The following PAX2 variants were observed in gnomAD, a reference collection of about 807,000 sequenced individuals.
The protein encoded by PAX2 is paired box protein Pax-2.
A neutral mutation model predicts 41.7 loss-of-function variants in PAX2; 9 were observed. That is an observed-to-expected ratio of 0.22 (90% CI 0.13 to 0.38). The LOEUF is 0.38. Ranked by LOEUF, PAX2 falls within the 10% of genes least tolerant of loss-of-function variation. PAX2 has a pLI of 1.00. For missense variants in PAX2, 418 were observed against 531.6 expected, an observed-to-expected ratio of 0.79 and a Z score of 2.10; for synonymous variants, 221 against 212.7, an observed-to-expected ratio of 1.04 and a Z score of -0.34.
chr10:100,825,530 G>T (rs1208486194), intron 8 of PAX2, among the ~76,000 whole-genome samples: 1 of 152,172 alleles, frequency 6.6e-6, no homozygotes, highest in Non-Finnish European at 1.5e-5. Flanking sequence ...GCCAAAGAGA[G>T]TTGAAGTTCC....
upstream of PAX2, among the ~76,000 whole-genome samples, chr10:100,742,357 G>A (rs1219801204): frequency 6.7e-6 from 1 of 149,766 alleles, no homozygotes; most frequent in Non-Finnish European, 1.5e-5. Context: ...CGAGGTGCGG[G>A]GTGCCTATCC....
intron 7 of PAX2, among the ~76,000 whole-genome samples, chr10:100,821,575 G>A (rs1848381704): frequency 6.6e-6 from 1 of 152,224 alleles, no homozygotes; most frequent in African/African-American, 2.4e-5. Flanking sequence ...CCTACCTGAG[G>A]GAAGTTGCCA....
At chr10:100,794,592 C>G (rs1019290100) in intron 5 of PAX2, among the ~76,000 whole-genome samples, 10 of 152,206 alleles carry the variant, frequency 6.6e-5, no homozygotes, top group African/African-American at 2.4e-4. Flanking sequence ...GGTTACCCAT[C>G]TCAGAATTCA....
upstream of PAX2, among the ~76,000 whole-genome samples, chr10:100,741,351 G>A (rs1286302361): frequency 6.6e-6 from 1 of 150,626 alleles, no homozygotes; most frequent in Non-Finnish European, 1.5e-5. Flanking sequence ...TAGGGGGAAT[G>A]TGCTGTGGAG....
At chr10:100,814,076 C>T (rs1848097655) in intron 7 of PAX2, among the ~76,000 whole-genome samples, 1 of 151,878 alleles carries the variant, frequency 6.6e-6, no homozygotes, top group East Asian at 1.9e-4. Context: ...GGGCCGGGCG[C>T]GGTGGCTCAC....
intron 7 of PAX2, among the ~76,000 whole-genome samples, chr10:100,818,774 A>G (rs1344537806): frequency 6.6e-6 from 1 of 152,222 alleles, no homozygotes; most frequent in Non-Finnish European, 1.5e-5. Context: ...ATGATCCCAT[A>G]TTACTTTCCT....
At chr10:100,765,454 A>G (rs1304425532) in intron 3 of PAX2, among the ~76,000 whole-genome samples, 2 of 152,218 alleles carry the variant, frequency 1.3e-5, no homozygotes, top group Admixed American at 6.5e-5. Flanking sequence ...TACCTTTTGC[A>G]TCATTCTCAA....
chr10:100,819,260 G>GT (rs1328687850), intron 7 of PAX2, among the ~76,000 whole-genome samples: 1 of 141,324 alleles, frequency 7.1e-6, no homozygotes, highest in Non-Finnish European at 1.6e-5. Context: ...AAAAAAAAAA[G>GT]GGGGGGGAGT....
intron 7 of PAX2, among the ~76,000 whole-genome samples, chr10:100,823,868 G>T (rs1211754526): frequency 6.6e-6 from 1 of 152,146 alleles, no homozygotes; most frequent in Non-Finnish European, 1.5e-5. Context: ...ATCTTGACTC[G>T]CTTTGTCTCC....
At chr10:100,749,621 T>C (rs1845356941) in intron 1 of PAX2, 125 bp from the exon 2 acceptor site, 6 of 1,469,946 alleles carry the variant, frequency 4.1e-6, no homozygotes, top group Non-Finnish European at 5.4e-6. Flanking sequence ...ACCTTTCTTC[T>C]CAAGCTCGGG....
At chr10:100,762,196 C>T (rs1488833895) in intron 3 of PAX2, among the ~76,000 whole-genome samples, 1 of 136,116 alleles carries the variant, frequency 7.3e-6, no homozygotes, top group African/African-American at 3.1e-5. Flanking sequence ...AGGCCCATCT[C>T]TATTAAAAAA....
intron 7 of PAX2, among the ~76,000 whole-genome samples, chr10:100,818,886 G>A (rs1379146545): frequency 6.6e-6 from 1 of 152,182 alleles, no homozygotes; most frequent in Non-Finnish European, 1.5e-5. Context: ...TCCAGTTTCT[G>A]CCATCTACTA....
intron 3 of PAX2, among the ~76,000 whole-genome samples, chr10:100,752,943 C>T (rs940573498): frequency 6.6e-6 from 1 of 152,194 alleles, no homozygotes; most frequent in Admixed American, 6.5e-5. Flanking sequence ...ACAAAGTAGA[C>T]AAGTGAGCCA....
intron 4 of PAX2, among the ~76,000 whole-genome samples, chr10:100,780,438 T>A (rs1257622077): frequency 6.6e-6 from 1 of 152,166 alleles, no homozygotes; most frequent in Non-Finnish European, 1.5e-5. Context: ...GGCAGTTGTC[T>A]CCTTCTGTCT....
Position 100,748,041 on chromosome 10 carries a change from G to A in PAX2, c.44-1705G>A, listed in dbSNP as rs1845267424. 4.1e-6 allele frequency: 4 copies of A among 984,742 alleles called. No homozygotes were observed. 61.0% of individuals were successfully genotyped at this position (984,742 alleles called of 1,614,324 possible). A position where few individuals can be genotyped will look rare whatever the true frequency, so the allele number is the denominator to read the frequency against. ...ACTGGTGGGTGAGACACCGCAGCCC[G>A]AGTCGGTGCTGGCGGCCGTGGCGCA... is the stretch of plus-strand genomic sequence containing the variant. On this transcript the variant is annotated intron_variant, in intron 1 of 9. Coordinates refer to ENST00000355243, the MANE Select transcript of PAX2 (RefSeq NM_000278.5). This position sits in a 1 kb window ranked among gnomAD's most constrained non-coding sequence, Gnocchi z 5.0.
chr10:100,822,465 G>A (rs987072493), intron 7 of PAX2, among the ~76,000 whole-genome samples: 8 of 152,176 alleles, frequency 5.3e-5, no homozygotes, highest in African/African-American at 1.4e-4. Flanking sequence ...ATTGATGGAC[G>A]ATTAATCAAC....
intron 1 of PAX2, among the ~76,000 whole-genome samples, chr10:100,737,847 G>A (rs953790372): frequency 4.6e-5 from 7 of 152,168 alleles, no homozygotes; most frequent in African/African-American, 1.7e-4. Flanking sequence ...ACGTCCTGGC[G>A]CAACTGCCGC....
chr10:100,792,492 G>A (rs139804056), intron 5 of PAX2, among the ~76,000 whole-genome samples: 2 of 152,190 alleles, frequency 1.3e-5, no homozygotes, highest in East Asian at 3.9e-4. Flanking sequence ...TCTCTTTCTG[G>A]GAACTCCATG....
chr10:100,757,195 A>G (rs1216602830), intron 3 of PAX2, among the ~76,000 whole-genome samples: 1 of 152,172 alleles, frequency 6.6e-6, no homozygotes, highest in African/African-American at 2.4e-5. Context: ...GTCTGCTTTT[A>G]GGTGAAAAGG....
Sources: gnomAD v4.1 joint callset for allele counts (sites outside exome capture counted in the v4.1 genomes callset) on GRCh38, gnomAD v4.1.1 for gene constraint, Gnocchi (gnomAD v3.1) non-coding constraint, MANE v1.5 for transcripts, NCBI Gene and HGNC (gene_info 2026-07-23, HGNC 2026-07-21) for gene names.